The following PTPRS variants were observed in gnomAD, a reference collection of about 807,000 sequenced individuals.
PTPRS encodes the protein protein tyrosine phosphatase receptor type S, also known as receptor-type tyrosine-protein phosphatase S.
In PTPRS, 63 loss-of-function variants were observed where a neutral mutation model predicts 215.3. The observed-to-expected ratio is 0.29, with a 90% CI of 0.24 to 0.36. PTPRS has a LOEUF of 0.36. Ranked by LOEUF, PTPRS falls within the 10% of genes least tolerant of loss-of-function variation. The probability of loss-of-function intolerance (pLI) is 1.00; values close to 1 mark genes in which losing one functional copy is unlikely to be tolerated. For synonymous variants in PTPRS, 1,404 were observed against 1,191.4 expected (o/e 1.18, Z -3.68); for missense variants, 2,258 against 2,825.8 (o/e 0.80, Z 4.56).
intron 1 of PTPRS, among the ~76,000 whole-genome samples, chr19:5,314,365 C>T (rs1451765036): frequency 1.3e-5 from 2 of 152,092 alleles, no homozygotes; most frequent in African/African-American, 4.8e-5. Context: ...AGCTGTGCAG[C>T]CTCAGGTATA....
At chr19:5,306,773 C>G (rs1303730591) in intron 1 of PTPRS, among the ~76,000 whole-genome samples, 1 of 152,154 alleles carries the variant, frequency 6.6e-6, no homozygotes, top group Non-Finnish European at 1.5e-5. Context: ...TTGTTCTAAA[C>G]AAGCAGGTTC....
chr19:5,275,760 C>T (rs1430872868), intron 2 of PTPRS, among the ~76,000 whole-genome samples: 1 of 152,174 alleles, frequency 6.6e-6, no homozygotes, highest in African/African-American at 2.4e-5. Context: ...GAGCCAAGAT[C>T]ATGGCACCAC....
intron 35 of PTPRS, among the ~76,000 whole-genome samples, chr19:5,209,922 C>T (rs1249827199): frequency 2.0e-5 from 3 of 152,170 alleles, no homozygotes; most frequent in South Asian, 2.1e-4. Flanking sequence ...TCTCTACCAT[C>T]GTCGATCTTC....
chr19:5,335,263 G>C (rs1338555551), intron 1 of PTPRS, among the ~76,000 whole-genome samples: 1 of 152,210 alleles, frequency 6.6e-6, no homozygotes, highest in Non-Finnish European at 1.5e-5. Context: ...GAGAGCCAGG[G>C]GAGGCATGTT....
At chr19:5,220,471 G>A (rs2041883225) in intron 20 of PTPRS, 118 bp from the exon 21 acceptor site, 2 of 866,014 alleles carry the variant, frequency 2.3e-6, no homozygotes, top group African/African-American at 1.7e-5. Context: ...CATACAATGA[G>A]CCTATTCCCC....
chr19:5,278,733 C>T (rs1269613118), intron 2 of PTPRS, among the ~76,000 whole-genome samples: 1 of 151,998 alleles, frequency 6.6e-6, no homozygotes, highest in Non-Finnish European at 1.5e-5. Flanking sequence ...CCTCAGCCTC[C>T]CAAAGTGCTG....
chr19:5,262,796 G>A (rs545925337), intron 6 of PTPRS, among the ~76,000 whole-genome samples, 168 bp downstream of exon 6: 6 of 152,078 alleles, frequency 3.9e-5, no homozygotes, highest in Non-Finnish European at 8.8e-5. Context: ...GGGGAGGGCT[G>A]AGGGGCCGGT....
rs148497842 is a variant in PTPRS at position 5,312,128 on chromosome 19, C to T, written c.-94-25894G>A. Among the ~76,000 whole-genome samples, 523 of 151,876 alleles carry T rather than the reference C, an allele frequency of 3.4e-3. 4 individuals are homozygous for T. The highest frequency in any genetic ancestry group is 0.012 in the African/African-American group (503 of 41,424). On this transcript the variant is annotated intron_variant, in intron 1 of 37. Coordinates refer to ENST00000262963, the MANE Select transcript of PTPRS (RefSeq NM_002850.4). ...CTGTGTGTGAACGAGCCCTGCAACA[C>T]ATCTCATAGGAAAGCAAAAGAGAGA...
chr19:5,277,644 A>T (rs1464804021), intron 2 of PTPRS: 5 of 428,874 alleles, frequency 1.2e-5, no homozygotes, highest in Non-Finnish European at 2.2e-5. Flanking sequence ...CGACAGAGTG[A>T]GACTCCATCT....
chr19:5,212,787 G>A (rs2041033193), intron 30 of PTPRS, among the ~76,000 whole-genome samples: 1 of 151,736 alleles, frequency 6.6e-6, no homozygotes, highest in Admixed American at 6.6e-5. Context: ...AGATTGCAGT[G>A]AGCTGAGATG....
intron 1 of PTPRS, among the ~76,000 whole-genome samples, chr19:5,313,641 G>A (rs973546827): frequency 2.0e-5 from 3 of 152,208 alleles, no homozygotes; most frequent in African/African-American, 7.2e-5. Flanking sequence ...ATCAAGGGCA[G>A]GCGGCAGGAG....
chr19:5,258,845 G>T (rs72983171), intron 7 of PTPRS, among the ~76,000 whole-genome samples: 27,368 of 152,200 alleles, frequency 0.18, 2,675 homozygotes, highest in Non-Finnish European at 0.21. Context: ...TGATTGAAGA[G>T]AAGTCAGAAT....
chr19:5,220,021 T>C lies in PTPRS; in HGVS notation c.3683A>G (p.Tyr1228Cys). Residue 1228 changes from tyrosine (Y) to cysteine (C), a missense_variant, in exon 22 of 38, where the codon TAT becomes TGT. By Grantham distance (194) the Tyr-to-Cys change is radical. Around this residue, in one of 6 missense-constraint regions of PTPRS, gnomAD observed 927 missense variants for 1,125.9 expected, o/e 0.82. Coordinates refer to ENST00000262963, the MANE Select transcript of PTPRS (RefSeq NM_002850.4). The stretch of plus-strand genomic sequence containing the variant: ...CAGGCCCCGGTTATCGAAGCCGCCA[T>C]ACTGCTTCTGGTCGCCGGGATGGAA... ...PTFHPGDQKQ[Y>C]GGFDNRGLEP... 6.2e-7 allele frequency: 1 copy of C among 1,614,064 alleles called. No individual in the cohort carries two copies. Among genetic ancestry groups the C allele is most frequent in the Non-Finnish European group, 8.5e-7 (1 of 1,180,034 alleles).
chr19:5,265,333 T>G (rs1160658472), intron 4 of PTPRS, 137 bp from the exon 5 acceptor site: 1 of 730,294 alleles, frequency 1.4e-6, no homozygotes, highest in African/African-American at 1.8e-5. Context: ...GGTGCCATCC[T>G]TTACAGCCAG....
intron 1 of PTPRS, among the ~76,000 whole-genome samples, chr19:5,319,256 A>T (rs1044841706): frequency 2.0e-5 from 3 of 151,960 alleles, no homozygotes; most frequent in South Asian, 2.1e-4. Flanking sequence ...ACTAAAAATT[A>T]AAAAATTAGC....
intron 1 of PTPRS, among the ~76,000 whole-genome samples, chr19:5,334,128 T>G (rs570059382): frequency 6.6e-6 from 1 of 152,320 alleles, no homozygotes; most frequent in East Asian, 1.9e-4. Flanking sequence ...AGTCGCCCAG[T>G]CCTGCCGCAG....
chr19:5,236,861 AAAAAC>A (rs1426817359), intron 13 of PTPRS, among the ~76,000 whole-genome samples: 3 of 151,576 alleles, frequency 2.0e-5, no homozygotes, highest in African/African-American at 7.3e-5. Context: ...AAAAAAAAAA[AAAAAC>A]AACAATCAAG....
intron 9 of PTPRS, among the ~76,000 whole-genome samples, chr19:5,254,784 C>G (rs1221952885): frequency 6.6e-6 from 1 of 152,122 alleles, no homozygotes; most frequent in Non-Finnish European, 1.5e-5. Flanking sequence ...GCATAGTGTT[C>G]CAGGTCAGAT....
rs770312204 is a variant in PTPRS at position 5,274,342 on chromosome 19, G to C, written c.94C>G (p.Pro32Ala). ...TTGGGTTCTTTGATAAACCTGGGGGGCTCTGGGGATACAGTGGAAAGAAGG... is the reference window on the plus strand; with the variant it reads ...TTGGGTTCTTTGATAAACCTGGGGGCCTCTGGGGATACAGTGGAAAGAAGG... ...LLVGGCAAEE[P>A]PRFIKEPKDQ... Residue 32 changes from proline to alanine, a missense_variant and splice_region_variant, in exon 3 of 38, where the codon CCC becomes GCC. Around this residue, in one of 6 missense-constraint regions of PTPRS, gnomAD observed 508 missense variants for 799.4 expected, o/e 0.64. Coordinates refer to ENST00000262963, the MANE Select transcript of PTPRS (RefSeq NM_002850.4). 1.2e-6 allele frequency: 2 copies of C among 1,608,814 alleles called. No homozygotes were observed. The highest frequency in any genetic ancestry group is 8.5e-7 in the Non-Finnish European group (1 of 1,176,480).
Sources: gnomAD v4.1 joint callset for allele counts (sites outside exome capture counted in the v4.1 genomes callset) on GRCh38, gnomAD v4.1.1 for gene constraint, gnomAD v4.1.1 regional missense constraint, MANE v1.5 for transcripts, NCBI Gene and HGNC (gene_info 2026-07-23, HGNC 2026-07-21) for gene names.